Variants in TMPRSS4 observed in about 807,000 individuals in gnomAD.
TMPRSS4 encodes transmembrane protease serine 4.
Under a neutral mutation model 56.4 loss-of-function variants are expected in TMPRSS4, and 45 were observed. The observed-to-expected ratio is 0.80, with a 90% CI of 0.63 to 1.02. The LOEUF is 1.02. Among genes scored for constraint, TMPRSS4 ranks in the 50% least tolerant of loss-of-function variants. The probability of loss-of-function intolerance (pLI) is 0.00; values close to 1 mark genes in which losing one functional copy is unlikely to be tolerated. For synonymous variants in TMPRSS4, 205 were observed against 211.0 expected, an observed-to-expected ratio of 0.97 and a Z score of 0.25; for missense variants, 546 against 556.7, an observed-to-expected ratio of 0.98 and a Z score of 0.19.
At position 118,087,760 on chromosome 11, in the gene TMPRSS4, C is replaced by T. The variant is rs1420335395; in HGVS notation, c.4-7056C>T. ...CTGAGCTAAGCCCAACCAGGAGGTTCCCCATGATCTAAAACAGTGGTAGGG... is the reference window on the plus strand; with the variant it reads ...CTGAGCTAAGCCCAACCAGGAGGTTTCCCATGATCTAAAACAGTGGTAGGG... On this transcript the variant is annotated intron_variant, in intron 1 of 12. Coordinates refer to ENST00000437212, the MANE Select transcript of TMPRSS4 (RefSeq NM_019894.4). 2.6e-5 allele frequency: 4 copies of T among 152,182 alleles called. 1 individual carries two copies. The highest frequency in any genetic ancestry group is 5.9e-5 in the Non-Finnish European group (4 of 68,058). 9.4% of individuals were successfully genotyped at this position (152,182 alleles called of 1,614,324 possible).
chr11:118,113,259 C>G lies in TMPRSS4; in HGVS notation c.744-10C>G, dbSNP rs751074412. The G allele has an allele frequency of 1.2e-6, 2 of 1,613,004 alleles. No individual in the cohort carries two copies. Among genetic ancestry groups the G allele is most frequent in the South Asian group, 2.2e-5 (2 of 90,932 alleles). On this transcript the variant is annotated splice_polypyrimidine_tract_variant and intron_variant, in intron 8 of 12. Transcript: ENST00000437212. ...GGATCAGGCCTGAACCCAGCTGTCT[C>G]TACCCCCAGGAAACATACCGATGTG...
At chr11:118,107,681 C>T (rs1325695796) in intron 5 of TMPRSS4, 93 bp from the exon 6 acceptor site, 14 of 1,049,548 alleles carry the variant, frequency 1.3e-5, no homozygotes, top group Non-Finnish European at 2.0e-5. Context: ...CATTCTCTGC[C>T]ACTCTTTCTC....
chr11:118,107,941 A>G (rs1343412533), intron 6 of TMPRSS4, 66 bp downstream of exon 6: 12 of 1,378,116 alleles, frequency 8.7e-6, no homozygotes, highest in Admixed American at 5.5e-5. Context: ...TCAGGTTGCA[A>G]CCAGCTCACC....
chr11:118,111,886 A>C lies in TMPRSS4; in HGVS notation c.729A>C (p.Ala243=). Residue 243 remains alanine, a synonymous_variant, in exon 8 of 13, where the codon GCA becomes GCC. Transcript: ENST00000437212. Reference sequence around the variant, plus strand: ...TGGACCCCCACTGGGTCCTCACGGCAGCCCACTGCTTCAGGTAAGACCCCA... The same window carrying C: ...TGGACCCCCACTGGGTCCTCACGGCCGCCCACTGCTTCAGGTAAGACCCCA... ...SILDPHWVLT[A]AHCFRKHTDV... The C allele has an allele frequency of 6.2e-7, 1 of 1,608,566 alleles. No individual in the cohort carries two copies. Among genetic ancestry groups the C allele is most frequent in the South Asian group, 1.1e-5 (1 of 89,904 alleles).
chr11:118,096,906 AGAAAGG>A lies in TMPRSS4; in HGVS notation c.43+2054_43+2059del, dbSNP rs1382513722. Among the ~76,000 whole-genome samples, 224 of 49,648 alleles carry A rather than the reference AGAAAGG, an allele frequency of 4.5e-3. 37 individuals are homozygous for A. Among genetic ancestry groups the A allele is most frequent in the African/African-American group, 8.9e-3 (103 of 11,580 alleles). The allele number at this position is 49,648 out of a possible 152,430, so 32.6% of individuals were successfully genotyped here. ...AAGAAAGAAAGAAAGAAAGAAAGAA[AGAAAGG>A]GAGAGAGAAAGGAAAGAAAGAAAGA... On this transcript the variant is annotated intron_variant, in intron 2 of 12. Coordinates refer to ENST00000437212, the MANE Select transcript of TMPRSS4 (RefSeq NM_019894.4).
At chr11:118,083,869 A>G (rs797002226) in intron 1 of TMPRSS4, among the ~76,000 whole-genome samples, 13 of 152,194 alleles carry the variant, frequency 8.5e-5, no homozygotes, top group African/African-American at 2.9e-4. Flanking sequence ...CCTGGCCAAC[A>G]TGGTGAAAGT....
At chr11:118,077,670 C>T (rs1944766454) in intron 1 of TMPRSS4, among the ~76,000 whole-genome samples, 1 of 152,174 alleles carries the variant, frequency 6.6e-6, no homozygotes, top group Non-Finnish European at 1.5e-5. Flanking sequence ...TCTGATGCCA[C>T]GGTTGCCCTC....
At chr11:118,093,298 C>T (rs976243718) in intron 1 of TMPRSS4, among the ~76,000 whole-genome samples, 2 of 152,214 alleles carry the variant, frequency 1.3e-5, no homozygotes, top group Non-Finnish European at 2.9e-5. Flanking sequence ...CCCTCTCACT[C>T]CCAAGAGGAA....
At chr11:118,123,488 C>G (rs1281232560), downstream of TMPRSS4, among the ~76,000 whole-genome samples, 1 of 152,172 alleles carries the variant, frequency 6.6e-6, no homozygotes, top group African/African-American at 2.4e-5. Context: ...ACATTCCCAT[C>G]TCTTCAACAA....
chr11:118,103,267 C>T lies in TMPRSS4; in HGVS notation c.310+14C>T. 1 of 1,608,770 alleles carries T rather than the reference C, an allele frequency of 6.2e-7. No homozygotes were observed. The highest frequency in any genetic ancestry group is 8.5e-7 in the Non-Finnish European group (1 of 1,176,992). ...CTGCAGTGGCAGGTGAGTGCAGGGT[C>T]TGAGGCACAAGAGAAGTGGGCCCAG... On this transcript the variant is annotated intron_variant, in intron 4 of 12. Transcript: ENST00000437212.
At chr11:118,092,690 C>A (rs1360104517) in intron 1 of TMPRSS4, among the ~76,000 whole-genome samples, 1 of 152,230 alleles carries the variant, frequency 6.6e-6, no homozygotes, top group East Asian at 1.9e-4. Flanking sequence ...TGGGAAAGAG[C>A]TGTTACCAAC....
At chr11:118,113,209 C>A (rs142069909) in intron 8 of TMPRSS4, 60 bp from the exon 9 acceptor site, 199 of 1,539,988 alleles carry the variant, frequency 1.3e-4, no homozygotes, top group South Asian at 3.0e-4. Flanking sequence ...GGGGACCCAG[C>A]CTTTGGCAAA....
At chr11:118,109,856 G>T (rs1947186634) in intron 7 of TMPRSS4, among the ~76,000 whole-genome samples, 1 of 152,224 alleles carries the variant, frequency 6.6e-6, no homozygotes, top group Non-Finnish European at 1.5e-5. Context: ...AATACCTAGT[G>T]CGTGGGATCT....
intron 3 of TMPRSS4, among the ~76,000 whole-genome samples, chr11:118,100,494 G>C (rs762230981): frequency 6.6e-6 from 1 of 152,170 alleles, no homozygotes; most frequent in Non-Finnish European, 1.5e-5. Flanking sequence ...ACAAAGCTGC[G>C]ACAGAACCCC....
At chr11:118,102,493 A>G (rs1946764632) in intron 3 of TMPRSS4, among the ~76,000 whole-genome samples, 1 of 152,194 alleles carries the variant, frequency 6.6e-6, no homozygotes, top group Admixed American at 6.5e-5. Flanking sequence ...GGATCACCTG[A>G]GGTCAGGAGG....
chr11:118,099,513 C>T (rs1042291359), intron 3 of TMPRSS4, among the ~76,000 whole-genome samples: 1 of 135,156 alleles, frequency 7.4e-6, no homozygotes, highest in Non-Finnish European at 1.7e-5. Flanking sequence ...CATGTATCCA[C>T]CCCCTGCTTT....
rs151094565 is a variant in TMPRSS4 at position 118,096,364 on chromosome 11, C to T, written c.43+1509C>T. 1.3e-3 allele frequency among the ~76,000 whole-genome samples: 199 copies of T among 152,342 alleles called. 3 individuals are homozygous for T. Among genetic ancestry groups the T allele is most frequent in the Admixed American group, 0.012 (188 of 15,296 alleles). On this transcript the variant is annotated intron_variant, in intron 2 of 12. Transcript: ENST00000437212. ...TCCTTTGTTAACAGATTCATTAATA[C>T]TAGCATTCATTGGGCGCCAATCTCT...
intron 8 of TMPRSS4, among the ~76,000 whole-genome samples, chr11:118,112,357 G>A (rs369494112): frequency 6.2e-4 from 92 of 148,160 alleles, no homozygotes; most frequent in African/African-American, 2.2e-3. Context: ...CTCAGGGAAG[G>A]GCTACTCCCA....
In TMPRSS4 at chr11:118,104,830, C is replaced by A. The variant is rs533310789; in HGVS notation, c.440+10C>A. 48 of 1,564,996 alleles carry A rather than the reference C, an allele frequency of 3.1e-5. No homozygotes were observed. Among genetic ancestry groups the A allele is most frequent in the Non-Finnish European group, 4.1e-5 (47 of 1,154,544 alleles). On this transcript the variant is annotated intron_variant, in intron 5 of 12. Coordinates refer to ENST00000437212, the MANE Select transcript of TMPRSS4 (RefSeq NM_019894.4). ...AGATGGGCTACAGCAGGTAACCAAC[C>A]TGGGCCTCTCTCCTTTTTCCCTCCT...
Sources: allele counts gnomAD v4.1 joint callset (sites outside exome capture counted in the v4.1 genomes callset), GRCh38; gene constraint gnomAD v4.1.1; transcripts MANE v1.5; gene names NCBI Gene and HGNC (gene_info 2026-07-23, HGNC 2026-07-21).